The following ARHGAP24 variants were observed in gnomAD, a reference collection of about 807,000 sequenced individuals.
ARHGAP24 encodes the protein Rho GTPase activating protein 24, also known as rho GTPase-activating protein 24.
Under a neutral mutation model 76.4 loss-of-function variants are expected in ARHGAP24, and 50 were observed. The ratio of observed to expected loss-of-function variants is 0.65; its 90% CI spans 0.52 to 0.83. The LOEUF is 0.83. Ranked by LOEUF, ARHGAP24 falls within the 40% of genes least tolerant of loss-of-function variation. The pLI is 0.00. For missense variants in ARHGAP24, 930 were observed against 914.2 expected (o/e 1.02, Z -0.22); for synonymous variants, 345 against 323.3 (o/e 1.07, Z -0.72).
At chr4:85,882,215 G>A (rs1733297754) in intron 3 of ARHGAP24, among the ~76,000 whole-genome samples, 1 of 152,128 alleles carries the variant, frequency 6.6e-6, no homozygotes. Flanking sequence ...TCTATTACAT[G>A]TTAGGTATGT....
At chr4:85,780,678 C>T (rs572958957) in intron 3 of ARHGAP24, among the ~76,000 whole-genome samples, 4 of 152,166 alleles carry the variant, frequency 2.6e-5, no homozygotes, top group South Asian at 2.1e-4. Context: ...AAATTATGGA[C>T]GAATAAGAGG....
At chr4:85,983,102 A>AT (rs1739773998) in intron 8 of ARHGAP24, among the ~76,000 whole-genome samples, 1 of 152,028 alleles carries the variant, frequency 6.6e-6, no homozygotes. Context: ...ACATGATCTC[A>AT]TTCCTTTTTA....
chr4:85,506,962 A>T (rs886604591), intron 1 of ARHGAP24, among the ~76,000 whole-genome samples: 17 of 152,130 alleles, frequency 1.1e-4, no homozygotes, highest in Non-Finnish European at 1.9e-4. Flanking sequence ...AGAAAACTGG[A>T]TATATAAACA....
chr4:85,500,924 A>G (rs552163022), intron 1 of ARHGAP24, among the ~76,000 whole-genome samples: 13 of 151,022 alleles, frequency 8.6e-5, no homozygotes, highest in African/African-American at 2.9e-4. Flanking sequence ...CCAGTGTCCA[A>G]GTGTTCTCAT....
intron 2 of ARHGAP24, among the ~76,000 whole-genome samples, chr4:85,641,376 A>G (rs1721516052): frequency 6.6e-6 from 1 of 152,198 alleles, no homozygotes; most frequent in South Asian, 2.1e-4. Context: ...TACCACAGAC[A>G]GGGTAGTTTA....
intron 1 of ARHGAP24, among the ~76,000 whole-genome samples, chr4:85,505,442 A>G (rs1397343658): frequency 6.6e-6 from 1 of 151,926 alleles, no homozygotes; most frequent in African/African-American, 2.4e-5. Context: ...TTTTCTCTAA[A>G]CTTGTCTTCT....
At chr4:85,946,438 G>A (rs554082195) in intron 5 of ARHGAP24, among the ~76,000 whole-genome samples, 9 of 152,264 alleles carry the variant, frequency 5.9e-5, no homozygotes, top group African/African-American at 1.9e-4. Flanking sequence ...AGTAGTGAGC[G>A]TAGTACGCCA....
chr4:85,476,137 G>A (rs1191874895), intron 1 of ARHGAP24, among the ~76,000 whole-genome samples: 1 of 150,552 alleles, frequency 6.6e-6, no homozygotes, highest in African/African-American at 2.4e-5. Flanking sequence ...GGAATCTTTG[G>A]TGAATTTGAA....
chr4:85,480,359 C>T (rs1193873087), intron 1 of ARHGAP24, among the ~76,000 whole-genome samples: 1 of 152,024 alleles, frequency 6.6e-6, no homozygotes, highest in Non-Finnish European at 1.5e-5. Flanking sequence ...AAAAATTCAC[C>T]ATGCTTCTCA....
At chr4:85,903,815 T>C (rs1734625398) in intron 3 of ARHGAP24, among the ~76,000 whole-genome samples, 1 of 152,142 alleles carries the variant, frequency 6.6e-6, no homozygotes. Context: ...TGAAAATCAA[T>C]ATTTCCCAAA....
rs371410738 is a variant in ARHGAP24, at chr4:85,598,519, T to A, written c.180+27798T>A. ...TGTTTGTGAACTTTTTACTCTTTCT[T>A]AGTAGCTGATCATTGTGTGATGATT... is the stretch of plus-strand genomic sequence containing the variant. On this transcript the variant is annotated intron_variant, in intron 2 of 9. Coordinates refer to ENST00000395184, the MANE Select transcript of ARHGAP24 (RefSeq NM_001025616.3). 5.3e-5 allele frequency among the ~76,000 whole-genome samples: 8 copies of A among 152,186 alleles called. No individual in the cohort carries two copies. The South Asian group carries it at 1.5e-3, about 28-fold the overall frequency.
chr4:85,881,203 T>A (rs949421895), intron 3 of ARHGAP24, among the ~76,000 whole-genome samples: 1 of 152,178 alleles, frequency 6.6e-6, no homozygotes, highest in African/African-American at 2.4e-5. Context: ...GATGAGTCCA[T>A]GACTCCATGA....
At chr4:85,599,178 G>A (rs1307204036) in intron 2 of ARHGAP24, among the ~76,000 whole-genome samples, 2 of 152,086 alleles carry the variant, frequency 1.3e-5, no homozygotes, top group African/African-American at 4.8e-5. Context: ...ATTAGAAGGA[G>A]TTGATTAGCA....
At chr4:85,574,664 T>C (rs1727298559) in intron 2 of ARHGAP24, among the ~76,000 whole-genome samples, 1 of 152,202 alleles carries the variant, frequency 6.6e-6, no homozygotes. Context: ...TACACAACTA[T>C]GTTAATCTCA....
chr4:85,926,346 C>G (rs346520), intron 4 of ARHGAP24, among the ~76,000 whole-genome samples: 45,682 of 152,000 alleles, frequency 0.3, 7,129 homozygotes, highest in East Asian at 0.56. Context: ...CTTCTCCTGC[C>G]CTCTTTGTTT....
chr4:85,670,303 T>A (rs1159354888), intron 2 of ARHGAP24, among the ~76,000 whole-genome samples: 1 of 152,206 alleles, frequency 6.6e-6, no homozygotes, highest in Non-Finnish European at 1.5e-5. Context: ...CTGTTTGCCA[T>A]TTATTTGACT....
intron 2 of ARHGAP24, among the ~76,000 whole-genome samples, chr4:85,574,032 A>T (rs1292973290): frequency 6.6e-6 from 1 of 152,240 alleles, no homozygotes; most frequent in Admixed American, 6.5e-5. Context: ...AATTTTAAAA[A>T]TTCTTTCTTT....
intron 3 of ARHGAP24, among the ~76,000 whole-genome samples, chr4:85,872,383 G>C (rs1732583177): frequency 6.6e-6 from 1 of 151,600 alleles, no homozygotes; most frequent in Admixed American, 6.6e-5. Flanking sequence ...TGCAACCTCT[G>C]TCTCCCTGAT....
chr4:85,662,644 G>C (rs1722444319), intron 2 of ARHGAP24, among the ~76,000 whole-genome samples: 1 of 151,884 alleles, frequency 6.6e-6, no homozygotes, highest in Non-Finnish European at 1.5e-5. Context: ...GGTTTTTATG[G>C]TTTTAGGTCT....
Sources: gnomAD v4.1 joint callset for allele counts (sites outside exome capture counted in the v4.1 genomes callset) on GRCh38, gnomAD v4.1.1 for gene constraint, MANE v1.5 for transcripts, NCBI Gene and HGNC (gene_info 2026-07-23, HGNC 2026-07-21) for gene names.